Variants in DMXL2 observed in about 807,000 individuals in gnomAD.
DMXL2 encodes dmX-like protein 2.
In DMXL2, 103 loss-of-function variants were observed where a neutral mutation model predicts 331.1. The observed-to-expected ratio is 0.31, with a 90% CI of 0.27 to 0.37. The LOEUF (loss-of-function observed/expected upper bound fraction) is 0.37. Among genes scored for constraint, DMXL2 ranks in the 10% least tolerant of loss-of-function variants. DMXL2 has a pLI of 1.00. For missense variants in DMXL2, 3,171 were observed against 3,642.9 expected (o/e 0.87, Z 3.33); for synonymous variants, 1,281 against 1,252.1 (o/e 1.02, Z -0.49).
At chr15:51,458,389 C>G in intron 36 of DMXL2, 117 bp downstream of exon 36, 1 of 1,109,114 alleles carries the variant, frequency 9.0e-7, no homozygotes, top group Non-Finnish European at 1.3e-6. Context: ...ATATTTGTCA[C>G]CTACCCAAAT....
chr15:51,601,663 T>C (rs1169341980), intron 1 of DMXL2, among the ~76,000 whole-genome samples: 1 of 152,352 alleles, frequency 6.6e-6, no homozygotes, highest in East Asian at 1.9e-4. Context: ...CTACAACTTT[T>C]ATAAGTCTTG....
intron 2 of DMXL2, among the ~76,000 whole-genome samples, chr15:51,574,145 G>A (rs904211849): frequency 1.3e-5 from 2 of 152,214 alleles, no homozygotes; most frequent in Middle Eastern, 3.4e-3. Context: ...ACTGCACCTG[G>A]GGGAAAGAGC....
chr15:51,539,087 G>A (rs538571903), intron 9 of DMXL2, among the ~76,000 whole-genome samples: 1 of 151,868 alleles, frequency 6.6e-6, no homozygotes, highest in Non-Finnish European at 1.5e-5. Context: ...GGGTGTGCCT[G>A]TAGTCCCATC....
intron 8 of DMXL2, among the ~76,000 whole-genome samples, chr15:51,544,368 C>T (rs767725546): frequency 1.3e-5 from 2 of 152,188 alleles, no homozygotes; most frequent in African/African-American, 2.4e-5. Flanking sequence ...GATGTGCCGG[C>T]TCCTGCTTCA....
intron 40 of DMXL2, among the ~76,000 whole-genome samples, chr15:51,453,875 G>A (rs919576879): frequency 6.6e-6 from 1 of 152,154 alleles, no homozygotes. Flanking sequence ...CAGAATTAAA[G>A]GTCATGTTTT....
chr15:51,514,325 G>T, intron 15 of DMXL2, 117 bp downstream of exon 15: 1 of 630,788 alleles, frequency 1.6e-6, no homozygotes, highest in Non-Finnish European at 2.7e-6. Context: ...AGAACTAACT[G>T]GTGAATCTGT....
intron 26 of DMXL2, 92 bp from the exon 27 acceptor site, chr15:51,476,811 G>C: frequency 2.8e-6 from 3 of 1,069,254 alleles, no homozygotes; most frequent in Non-Finnish European, 3.8e-6. Context: ...CCTATTTTAA[G>C]AAACAAAAAT....
At chr15:51,598,124 A>G (rs982292817) in intron 1 of DMXL2, among the ~76,000 whole-genome samples, 2 of 152,100 alleles carry the variant, frequency 1.3e-5, no homozygotes, top group African/African-American at 4.8e-5. Flanking sequence ...AAGTAGTCCA[A>G]TCTATCATTA....
intron 2 of DMXL2, among the ~76,000 whole-genome samples, chr15:51,573,446 C>G (rs1358316074): frequency 1.3e-5 from 2 of 152,122 alleles, no homozygotes; most frequent in Non-Finnish European, 2.9e-5. Flanking sequence ...AGAACCAACC[C>G]AAATGCCCAT....
chr15:51,456,002 C>G (rs1007789107), intron 39 of DMXL2, 64 bp downstream of exon 39: 11 of 1,576,982 alleles, frequency 7.0e-6, no homozygotes, highest in Non-Finnish European at 9.5e-6. Flanking sequence ...GCACTTTTAT[C>G]ACTTACTCCT....
chr15:51,491,356 G>C (rs755064483), intron 20 of DMXL2, among the ~76,000 whole-genome samples: 1 of 151,938 alleles, frequency 6.6e-6, no homozygotes, highest in African/African-American at 2.4e-5. Flanking sequence ...CAGGAAAATC[G>C]CTTGAACCCA....
At chr15:51,520,831 T>C (rs1276632729) in intron 13 of DMXL2, among the ~76,000 whole-genome samples, 6 of 152,184 alleles carry the variant, frequency 3.9e-5, no homozygotes, top group Non-Finnish European at 8.8e-5. Flanking sequence ...CACTCCAGCC[T>C]GGATGACAGA....
intron 33 of DMXL2, among the ~76,000 whole-genome samples, chr15:51,462,906 T>G (rs1441602575): frequency 6.6e-6 from 1 of 152,252 alleles, no homozygotes; most frequent in African/African-American, 2.4e-5. Context: ...GCAATCTTCC[T>G]TCATCTTGTA....
At chr15:51,586,441 G>A (rs537684023) in intron 1 of DMXL2, among the ~76,000 whole-genome samples, 12 of 152,200 alleles carry the variant, frequency 7.9e-5, no homozygotes, top group East Asian at 1.9e-4. Flanking sequence ...CGTTCTAAGC[G>A]TTTATGAGTA....
chr15:51,596,778 G>C (rs1285153969), intron 1 of DMXL2, among the ~76,000 whole-genome samples: 2 of 152,166 alleles, frequency 1.3e-5, no homozygotes, highest in Non-Finnish European at 2.9e-5. Flanking sequence ...GTAGGAACAT[G>C]GATGAAGCTG....
intron 29 of DMXL2, among the ~76,000 whole-genome samples, 174 bp downstream of exon 29, chr15:51,471,047 CTG>C (rs2041059073): frequency 6.6e-6 from 1 of 152,182 alleles, no homozygotes; most frequent in African/African-American, 2.4e-5. Context: ...CATCAGGTAA[CTG>C]ATCATCCTCG....
At chr15:51,511,202 T>C (rs915958702) in intron 15 of DMXL2, among the ~76,000 whole-genome samples, 2 of 152,288 alleles carry the variant, frequency 1.3e-5, no homozygotes, top group South Asian at 2.1e-4. Context: ...TGGGTTCTAA[T>C]TAAACTAAAG....
In DMXL2 at chr15:51,464,847, C is replaced by T. The variant is rs1388970380; in HGVS notation, c.7636G>A (p.Ala2546Thr). Reference protein sequence around the residue: ...ELPVTSPLGIAVIKNLENWEQ... With the variant: ...ELPVTSPLGITVIKNLENWEQ... Reference sequence around the variant, plus strand: ...CAGTTCTCCAAGTTTTTAATCACAGCAATACCTAATGGTGATGTTACAGGC... The same window carrying T: ...CAGTTCTCCAAGTTTTTAATCACAGTAATACCTAATGGTGATGTTACAGGC... Residue 2546 changes from alanine (A) to threonine (T), a missense_variant, in exon 32 of 44, where the codon GCT (alanine) becomes ACT (threonine). By Grantham distance (58) the Ala-to-Thr change is moderately conservative (BLOSUM62 0). Coordinates refer to ENST00000560891, the MANE Select transcript of DMXL2 (RefSeq NM_001378457.1). The T allele has an allele frequency of 1.2e-6, 2 of 1,614,062 alleles. No homozygotes were observed. Among genetic ancestry groups the T allele is most frequent in the Non-Finnish European group, 8.5e-7 (1 of 1,179,970 alleles).
intron 15 of DMXL2, among the ~76,000 whole-genome samples, chr15:51,508,836 C>T (rs1195972253): frequency 3.3e-5 from 5 of 152,204 alleles, no homozygotes; most frequent in Admixed American, 2.6e-4. Context: ...TTTACAGATG[C>T]TTTCCAGCTA....
Sources: allele counts gnomAD v4.1 joint callset (sites outside exome capture counted in the v4.1 genomes callset), GRCh38; gene constraint gnomAD v4.1.1; transcripts MANE v1.5; gene names NCBI Gene and HGNC (gene_info 2026-07-23, HGNC 2026-07-21).